DACH2: variants seen among roughly 807,000 people sequenced by gnomAD.
The protein encoded by DACH2 is dachshund family transcription factor 2, also known as dachshund homolog 2.
DACH2 carries 17 observed loss-of-function variants against 35.8 expected under a neutral mutation model. The ratio of observed to expected loss-of-function variants is 0.48; its 90% CI spans 0.33 to 0.71. The LOEUF (loss-of-function observed/expected upper bound fraction) is 0.71. Ranked by LOEUF, DACH2 falls within the 30% of genes least tolerant of loss-of-function variation. DACH2 has a pLI of 0.02. For synonymous variants in DACH2, 195 were observed against 177.3 expected (o/e 1.10, Z -0.79); for missense variants, 469 against 472.7 (o/e 0.99, Z 0.07).
At chrX:86,665,675 T>G (rs1335497878) in intron 4 of DACH2, among the ~76,000 whole-genome samples, 1 of 111,750 alleles carries the variant, frequency 8.9e-6, no homozygotes, top group Non-Finnish European at 1.9e-5. Context: ...GAAAGTAATA[T>G]TTTTTTGTAT....
chrX:86,553,470 C>A (rs974616097), intron 3 of DACH2, among the ~76,000 whole-genome samples: 5 of 111,373 alleles, frequency 4.5e-5, no homozygotes, highest in Non-Finnish European at 9.4e-5. Flanking sequence ...ACAGACACAC[C>A]CAGGAACAAT....
intron 1 of DACH2, among the ~76,000 whole-genome samples, chrX:86,161,685 G>T (rs562876120): frequency 1.8e-5 from 2 of 112,054 alleles, no homozygotes; most frequent in African/African-American, 6.5e-5. Flanking sequence ...TTCATGATGG[G>T]CACATATAGA....
intron 1 of DACH2, among the ~76,000 whole-genome samples, chrX:86,305,399 A>T (rs1031115518): frequency 2.7e-5 from 3 of 111,996 alleles, no homozygotes; most frequent in Non-Finnish European, 5.6e-5. Flanking sequence ...AATTCATTAA[A>T]GTTCTTGCCT....
intron 3 of DACH2, among the ~76,000 whole-genome samples, chrX:86,638,331 C>G (rs2040303531): frequency 8.9e-6 from 1 of 112,005 alleles, no homozygotes; most frequent in East Asian, 2.8e-4. Flanking sequence ...CCAGGAGAAA[C>G]TCATCTGGAC....
chrX:86,204,982 T>A (rs1043554004), intron 1 of DACH2, among the ~76,000 whole-genome samples: 8 of 112,034 alleles, frequency 7.1e-5, no homozygotes, highest in African/African-American at 2.3e-4. Context: ...AAGTAACAAA[T>A]ATAAATTCAG....
intron 1 of DACH2, among the ~76,000 whole-genome samples, chrX:86,184,052 A>C (rs2031598709): frequency 9.1e-6 from 1 of 110,364 alleles, no homozygotes; most frequent in South Asian, 3.8e-4. Context: ...TGTGTCTATT[A>C]GATTTTTCTC....
chrX:86,727,678 C>T (rs1263576121), intron 6 of DACH2, among the ~76,000 whole-genome samples: 1 of 110,402 alleles, frequency 9.1e-6, no homozygotes, highest in African/African-American at 3.3e-5. Flanking sequence ...TGGCACGTGC[C>T]CCATCACATT....
Position 86,686,548 on chromosome X carries a change from T to TA in DACH2, c.773-8466dup, listed in dbSNP as rs765397600. Among the ~76,000 whole-genome samples the TA allele has an allele frequency of 2.7e-3, 304 of 111,191 alleles. 2 individuals carry two copies. Among genetic ancestry groups the TA allele is most frequent in the African/African-American group, 9.3e-3 (285 of 30,615 alleles). ...GCCCAGTAATTGAAGGGTATTTTTTTAAAAAAACTTCTGCTCCAGGCAACA... is the reference window on the plus strand; with the variant it reads ...GCCCAGTAATTGAAGGGTATTTTTTTAAAAAAAACTTCTGCTCCAGGCAACA... On this transcript the variant is annotated intron_variant, in intron 4 of 11. Coordinates refer to ENST00000373125, the MANE Select transcript of DACH2 (RefSeq NM_053281.3).
chrX:86,582,835 G>A (rs1345611098), intron 3 of DACH2, among the ~76,000 whole-genome samples: 1 of 110,371 alleles, frequency 9.1e-6, no homozygotes, highest in Non-Finnish European at 1.9e-5. Context: ...AAAAAATGAG[G>A]AGGAGAAACT....
intron 3 of DACH2, among the ~76,000 whole-genome samples, chrX:86,630,224 T>C: frequency 9.0e-6 from 1 of 110,522 alleles, no homozygotes; most frequent in Non-Finnish European, 1.9e-5. Context: ...TAAAAAAACC[T>C]GGAGTACCTG....
chrX:86,504,488 AT>A (rs2038295606), intron 2 of DACH2, among the ~76,000 whole-genome samples: 1 of 107,736 alleles, frequency 9.3e-6, no homozygotes, highest in African/African-American at 3.4e-5. Flanking sequence ...TTATTTATTT[AT>A]TTATTTATTT....
intron 4 of DACH2, among the ~76,000 whole-genome samples, chrX:86,689,779 C>G (rs1158763840): frequency 8.9e-6 from 1 of 111,759 alleles, no homozygotes; most frequent in Non-Finnish European, 1.9e-5. Flanking sequence ...TTCTATTTTT[C>G]ACAGTTAAGG....
At chrX:86,795,390 C>T (rs778105747) in intron 7 of DACH2, among the ~76,000 whole-genome samples, 12 of 109,937 alleles carry the variant, frequency 1.1e-4, no homozygotes, top group Non-Finnish European at 1.9e-4. Context: ...CGTGCCACCA[C>T]GCCCGGCCGA....
In DACH2 at chrX:86,696,663, G is replaced by A. The variant is rs143814515; in HGVS notation, c.931+1484G>A. Among the ~76,000 whole-genome samples, 177 of 111,862 alleles carry A rather than the reference G, an allele frequency of 1.6e-3. 1 individual carries two copies. The highest frequency in any genetic ancestry group is 5.5e-3 in the African/African-American group (171 of 30,863). ...AAGGCAGCACAGCTCATAAGGAGAA[G>A]AAGCCACAGCTAGATCCTGGTAGAA... On this transcript the variant is annotated intron_variant, in intron 5 of 11. Coordinates refer to ENST00000373125, the MANE Select transcript of DACH2 (RefSeq NM_053281.3).
At position 86,256,520 on chromosome X, in the gene DACH2, G is replaced by A. The variant is rs749405878; in HGVS notation, c.488+107412G>A. Reference sequence around the variant, plus strand: ...CCTCCTTTTTCAAGTACACATGCGCGTGAGACTAAATTTTCTCCCTGTACT... The same window carrying A: ...CCTCCTTTTTCAAGTACACATGCGCATGAGACTAAATTTTCTCCCTGTACT... On this transcript the variant is annotated intron_variant, in intron 1 of 11. Coordinates refer to ENST00000373125, the MANE Select transcript of DACH2 (RefSeq NM_053281.3). Among the ~76,000 whole-genome samples the A allele has an allele frequency of 9.9e-5, 11 of 111,526 alleles. No individual in the cohort carries two copies. The East Asian group carries it at 1.4e-3, about 14-fold the overall frequency.
Position 86,407,600 on chromosome X carries a change from G to A in DACH2, c.527+30738G>A, listed in dbSNP as rs753431938. Among the ~76,000 whole-genome samples the A allele has an allele frequency of 3.6e-5, 4 of 112,225 alleles. No individual in the cohort carries two copies. The East Asian group carries it at 1.1e-3, about 31-fold the overall frequency. ...TATTCTGTTGCTAAAGAATGGGGAA[G>A]AGCTTCTAAATGGAGATAATCCATA... On this transcript the variant is annotated intron_variant, in intron 2 of 11. Transcript: ENST00000373125.
chrX:86,346,768 C>T (rs1230427888), intron 1 of DACH2, among the ~76,000 whole-genome samples: 1 of 111,588 alleles, frequency 9.0e-6, no homozygotes, highest in Non-Finnish European at 1.9e-5. Context: ...GCACTGAAAC[C>T]TTACGGAAGA....
chrX:86,598,080 C>T (rs1166732510), intron 3 of DACH2, among the ~76,000 whole-genome samples: 4 of 110,930 alleles, frequency 3.6e-5, no homozygotes, highest in South Asian at 3.8e-4. Flanking sequence ...TTCACTATCA[C>T]GAGAACAGCA....
intron 2 of DACH2, among the ~76,000 whole-genome samples, chrX:86,473,080 A>G (rs1352565442): frequency 1.8e-5 from 2 of 111,883 alleles, no homozygotes; most frequent in African/African-American, 3.2e-5. Flanking sequence ...AGATATTTTT[A>G]TACAGGCATG....
Sources: gnomAD v4.1 joint callset for allele counts (sites outside exome capture counted in the v4.1 genomes callset) on GRCh38, gnomAD v4.1.1 for gene constraint, MANE v1.5 for transcripts, NCBI Gene and HGNC (gene_info 2026-07-23, HGNC 2026-07-21) for gene names.